The following PTPN3 variants were observed in gnomAD, a reference collection of about 807,000 sequenced individuals.
PTPN3 encodes the protein tyrosine-protein phosphatase non-receptor type 3.
A neutral mutation model predicts 132.7 loss-of-function variants in PTPN3; 96 were observed. The observed-to-expected ratio is 0.72, with a 90% confidence interval of 0.61 to 0.86. PTPN3 has a LOEUF of 0.86. Ranked by LOEUF, PTPN3 falls within the 40% of genes least tolerant of loss-of-function variation. The pLI, the probability that PTPN3 is intolerant of heterozygous loss-of-function variation, is 0.00. For missense variants in PTPN3, 1,125 were observed against 1,159.6 expected (o/e 0.97, Z 0.43); for synonymous variants, 398 against 429.0 (o/e 0.93, Z 0.89).
At chr9:109,415,931 C>T (rs1454966642) in intron 14 of PTPN3, among the ~76,000 whole-genome samples, 2 of 152,138 alleles carry the variant, frequency 1.3e-5, no homozygotes, top group African/African-American at 4.8e-5. Flanking sequence ...TGGACTCAAA[C>T]AAGAAGGCAA....
At chr9:109,525,247 G>C in the PTPN3 span, among the ~76,000 whole-genome samples, 1 of 152,036 alleles carries the variant, frequency 6.6e-6, no homozygotes, top group Non-Finnish European at 1.5e-5. Context: ...TTGTAGAAAT[G>C]GGGTTTCACA....
chr9:109,396,406 A>G (rs1465125814), intron 19 of PTPN3, among the ~76,000 whole-genome samples: 1 of 152,086 alleles, frequency 6.6e-6, no homozygotes, highest in Non-Finnish European at 1.5e-5. Flanking sequence ...AATTCATCGG[A>G]AAAACAACAA....
At position 109,422,586 on chromosome 9, in the gene PTPN3, C is replaced by T. The variant is rs527469941; in HGVS notation, c.1136+132G>A. Reference sequence around the variant, plus strand: ...CTTGTGTACTTCATGAAAACAGTTACTTCTGCCAAGAGCCTAAAATGCAAA... The same window carrying T: ...CTTGTGTACTTCATGAAAACAGTTATTTCTGCCAAGAGCCTAAAATGCAAA... On this transcript the variant is annotated intron_variant, in intron 13 of 25. Coordinates refer to ENST00000374541, the MANE Select transcript of PTPN3 (RefSeq NM_002829.4). 27 of 1,072,162 alleles carry T rather than the reference C, an allele frequency of 2.5e-5. No individual in the cohort carries two copies. The East Asian group carries it at 6.0e-4, about 24-fold the overall frequency. 66.4% of individuals were successfully genotyped at this position (1,072,162 alleles called of 1,614,324 possible).
At chr9:109,520,979 T>A in the PTPN3 span, among the ~76,000 whole-genome samples, 1 of 152,190 alleles carries the variant, frequency 6.6e-6, no homozygotes, top group African/African-American at 2.4e-5. Flanking sequence ...CATGTCTTTT[T>A]AAGCACGAGG....
At chr9:109,404,352 G>A in intron 19 of PTPN3, 96 bp downstream of exon 19, 1 of 936,896 alleles carries the variant, frequency 1.1e-6, no homozygotes, top group Non-Finnish European at 1.5e-6. Flanking sequence ...AAGGAAACAA[G>A]GGCTTGTGTC....
chr9:109,380,421 A>G (rs1838966868), intron 25 of PTPN3, among the ~76,000 whole-genome samples: 1 of 152,050 alleles, frequency 6.6e-6, no homozygotes, highest in Admixed American at 6.5e-5. Flanking sequence ...ATGCCTGGCT[A>G]ATTTTTGTAT....
chr9:109,491,887 C>T (rs1312072432), intron 1 of PTPN3, among the ~76,000 whole-genome samples: 2 of 152,174 alleles, frequency 1.3e-5, no homozygotes, highest in African/African-American at 4.8e-5. Context: ...GAGAGATCAG[C>T]TTTGTCTTCA....
At chr9:109,465,271 G>C (rs1267390795) in intron 1 of PTPN3, among the ~76,000 whole-genome samples, 1 of 152,132 alleles carries the variant, frequency 6.6e-6, no homozygotes, top group East Asian at 1.9e-4. Flanking sequence ...GAGGATCTAG[G>C]CTTCTACAAA....
chr9:109,520,307 C>T, the PTPN3 span, among the ~76,000 whole-genome samples: 1 of 152,174 alleles, frequency 6.6e-6, no homozygotes, highest in African/African-American at 2.4e-5. Flanking sequence ...CAGCACACAG[C>T]TCAGTGTTGT....
intron 16 of PTPN3, among the ~76,000 whole-genome samples, chr9:109,409,065 T>C (rs1176379765): frequency 1.3e-5 from 2 of 151,966 alleles, no homozygotes; most frequent in East Asian, 1.9e-4. Context: ...AAACGTTTTC[T>C]GTAAAGGGCC....
chr9:109,406,560 C>T lies in PTPN3; in HGVS notation c.1694G>A (p.Arg565Gln), dbSNP rs181792746. ...EGDQIVLING[R>Q]DISEHTHDQV... is the part of the protein sequence containing the mutation. ...GTCATGCGTGTGTTCTGAGATGTCCCGGCCATTGATTAACACGATTTGATC... is the reference window on the plus strand; with the variant it reads ...GTCATGCGTGTGTTCTGAGATGTCCTGGCCATTGATTAACACGATTTGATC... The change falls in exon 18 of 26, where the codon CGG (arginine) becomes CAG (glutamine). Residue 565 changes from arginine (R) to glutamine (Q), a missense_variant. Transcript: ENST00000374541. 1.2e-5 allele frequency: 20 copies of T among 1,614,122 alleles called. No homozygotes were observed. The highest frequency in any genetic ancestry group is 4.5e-5 in the East Asian group (2 of 44,862).
Position 109,426,947 on chromosome 9 carries a change from CA to C in PTPN3, c.1001+2del. Reference sequence around the variant, plus strand: ...GTGGACACAGTCTTTACAGCACACTCACTTTTTGGTGTTCCGAGAGCCCATA... The same window carrying C: ...GTGGACACAGTCTTTACAGCACACTCCTTTTTGGTGTTCCGAGAGCCCATA... On this transcript the variant is annotated splice_donor_variant, in intron 12 of 25. Transcript: ENST00000374541. LOFTEE classifies it high-confidence loss of function. 1 of 1,607,842 alleles carries C rather than the reference CA, an allele frequency of 6.2e-7. No homozygotes were observed. The highest frequency in any genetic ancestry group is 8.5e-7 in the Non-Finnish European group (1 of 1,174,468).
At chr9:109,416,376 C>T (rs1197428954) in intron 14 of PTPN3, among the ~76,000 whole-genome samples, 6 of 152,034 alleles carry the variant, frequency 3.9e-5, no homozygotes, top group South Asian at 4.1e-4. Flanking sequence ...CCTACACTGC[C>T]GCCAAAGCTG....
At chr9:109,499,534 C>G (rs1380929993), upstream of PTPN3, among the ~76,000 whole-genome samples, 3 of 151,852 alleles carry the variant, frequency 2.0e-5, no homozygotes, top group Non-Finnish European at 2.9e-5. Context: ...GGGGCTGTAG[C>G]TCTGCTTGTC....
At chr9:109,479,848 G>A (rs1846876717) in intron 1 of PTPN3, among the ~76,000 whole-genome samples, 1 of 152,228 alleles carries the variant, frequency 6.6e-6, no homozygotes, top group Non-Finnish European at 1.5e-5. Context: ...GGGATTACAG[G>A]CCTGAGCCTC....
intron 1 of PTPN3, among the ~76,000 whole-genome samples, chr9:109,468,608 C>T (rs529166448): frequency 6.3e-4 from 96 of 152,286 alleles, no homozygotes; most frequent in Non-Finnish European, 1.6e-4. Context: ...CCTCGTGATC[C>T]GCCCACCTCG....
chr9:109,471,803 G>A (rs1846397089), intron 1 of PTPN3, among the ~76,000 whole-genome samples: 4 of 152,062 alleles, frequency 2.6e-5, no homozygotes, highest in Admixed American at 2.0e-4. Flanking sequence ...AACGCACCCA[G>A]CTTGAAGTTG....
chr9:109,467,099 G>A (rs1288396235), intron 1 of PTPN3, among the ~76,000 whole-genome samples: 1 of 151,906 alleles, frequency 6.6e-6, no homozygotes. Context: ...CACCACCTCC[G>A]CCTTGCCCTT....
At chr9:109,447,628 A>C (rs981748078) in intron 6 of PTPN3, among the ~76,000 whole-genome samples, 2 of 152,124 alleles carry the variant, frequency 1.3e-5, no homozygotes, top group African/African-American at 4.8e-5. Flanking sequence ...TCTTGCTTCT[A>C]ACTATCCACC....
Sources: gnomAD v4.1 joint callset for allele counts (sites outside exome capture counted in the v4.1 genomes callset) on GRCh38, gnomAD v4.1.1 for gene constraint, MANE v1.5 for transcripts, NCBI Gene and HGNC (gene_info 2026-07-23, HGNC 2026-07-21) for gene names.